The following LRMDA variants were observed in gnomAD, a reference collection of about 807,000 sequenced individuals.
The protein encoded by LRMDA is leucine rich melanocyte differentiation associated, also known as leucine-rich melanocyte differentiation-associated protein.
In LRMDA, 18 loss-of-function variants were observed where a neutral mutation model predicts 29.8. That is an observed-to-expected ratio of 0.60 (90% CI 0.42 to 0.90). The LOEUF is 0.90. Ranked by LOEUF, LRMDA falls within the 40% of genes least tolerant of loss-of-function variation. The probability of loss-of-function intolerance (pLI) is 0.00; values close to 1 mark genes in which losing one functional copy is unlikely to be tolerated. For missense variants in LRMDA, 273 were observed against 273.9 expected (o/e 1.00, Z 0.02); for synonymous variants, 125 against 109.4 (o/e 1.14, Z -0.89).
Position 76,284,192 on chromosome 10 carries a change from G to A in LRMDA, c.517-40209G>A, listed in dbSNP as rs188724357. Reference sequence around the variant, plus strand: ...CTGGGATTACCTTATATGGCAAAAGGGACTTTGCAGGTGTGATTAAAAAAT... The same window carrying A: ...CTGGGATTACCTTATATGGCAAAAGAGACTTTGCAGGTGTGATTAAAAAAT... On this transcript the variant is annotated intron_variant, in intron 5 of 6. Coordinates refer to ENST00000611255, the MANE Select transcript of LRMDA (RefSeq NM_001305581.2). Among the ~76,000 whole-genome samples the A allele has an allele frequency of 2.2e-3, 328 of 152,224 alleles. 2 individuals carry two copies. The highest frequency in any genetic ancestry group is 7.2e-3 in the African/African-American group (298 of 41,532).
intron 5 of LRMDA, among the ~76,000 whole-genome samples, chr10:76,109,460 T>G (rs1264448537): frequency 6.6e-6 from 1 of 152,212 alleles, no homozygotes; most frequent in African/African-American, 2.4e-5. Context: ...ATTTTTTCCT[T>G]CTTTATCTTG....
At chr10:75,734,810 T>C (rs1467585431) in intron 2 of LRMDA, among the ~76,000 whole-genome samples, 2 of 152,040 alleles carry the variant, frequency 1.3e-5, no homozygotes, top group Non-Finnish European at 2.9e-5. Flanking sequence ...GAGAAAAAAA[T>C]TGAAGAGTTT....
At chr10:75,794,842 A>G (rs1025074383) in intron 2 of LRMDA, among the ~76,000 whole-genome samples, 1 of 151,842 alleles carries the variant, frequency 6.6e-6, no homozygotes, top group African/African-American at 2.4e-5. Context: ...GTCTATATTT[A>G]TTTATTTCAA....
intron 2 of LRMDA, among the ~76,000 whole-genome samples, chr10:75,762,489 A>G (rs1231987895): frequency 6.6e-6 from 1 of 152,232 alleles, no homozygotes; most frequent in African/African-American, 2.4e-5. Flanking sequence ...GAAGATGTGC[A>G]GTGCCCAGGC....
At chr10:75,979,080 C>G (rs1847122385) in intron 2 of LRMDA, among the ~76,000 whole-genome samples, 1 of 152,108 alleles carries the variant, frequency 6.6e-6, no homozygotes, top group Non-Finnish European at 1.5e-5. Flanking sequence ...TGATAAGGAC[C>G]AAATGGGTTA....
At chr10:75,928,056 A>G (rs924974131) in intron 2 of LRMDA, among the ~76,000 whole-genome samples, 1 of 72,548 alleles carries the variant, frequency 1.4e-5, no homozygotes, top group African/African-American at 3.3e-5. Flanking sequence ...CATCATCATC[A>G]TCATCATCAT....
intron 5 of LRMDA, among the ~76,000 whole-genome samples, chr10:76,086,323 G>A (rs1849134658): frequency 6.6e-6 from 1 of 152,148 alleles, no homozygotes. Flanking sequence ...GGGACTTCTA[G>A]GGAATGGCTA....
intron 2 of LRMDA, among the ~76,000 whole-genome samples, chr10:75,998,443 G>A (rs77723440): frequency 0.03 from 4,641 of 152,234 alleles, 82 homozygotes; most frequent in Middle Eastern, 0.048. Context: ...CCAGGAATTT[G>A]CACCTGTCCC....
At chr10:75,667,399 A>C (rs1308342255) in intron 2 of LRMDA, among the ~76,000 whole-genome samples, 1 of 152,218 alleles carries the variant, frequency 6.6e-6, no homozygotes, top group Non-Finnish European at 1.5e-5. Context: ...TAACCTCCCC[A>C]GTGATTCTCC....
At chr10:75,717,411 A>C (rs1842514764) in intron 2 of LRMDA, among the ~76,000 whole-genome samples, 1 of 152,218 alleles carries the variant, frequency 6.6e-6, no homozygotes, top group South Asian at 2.1e-4. Context: ...GGGATCCTGC[A>C]ACAGAAGGCT....
At chr10:75,468,953 A>C (rs976159801) in intron 2 of LRMDA, among the ~76,000 whole-genome samples, 3 of 152,160 alleles carry the variant, frequency 2.0e-5, no homozygotes, top group Admixed American at 6.5e-5. Flanking sequence ...GAAAAAAGGG[A>C]GCAAGAGAAA....
At chr10:75,898,586 C>T (rs746305337) in intron 2 of LRMDA, among the ~76,000 whole-genome samples, 2 of 152,048 alleles carry the variant, frequency 1.3e-5, no homozygotes, top group Non-Finnish European at 2.9e-5. Flanking sequence ...TTCTACTGGA[C>T]CCTGGGAACG....
intron 6 of LRMDA, among the ~76,000 whole-genome samples, chr10:76,326,021 C>T (rs1302541196): frequency 1.3e-5 from 2 of 152,076 alleles, no homozygotes; most frequent in Admixed American, 6.5e-5. Flanking sequence ...AATGTAAAGA[C>T]GTTATTTAAA....
intron 2 of LRMDA, among the ~76,000 whole-genome samples, chr10:75,592,233 C>T (rs1183083325): frequency 2.0e-5 from 3 of 152,156 alleles, no homozygotes; most frequent in African/African-American, 7.2e-5. Context: ...GAATGTGGTA[C>T]ACAGCTGCCC....
intron 5 of LRMDA, among the ~76,000 whole-genome samples, chr10:76,134,697 G>T (rs1850061725): frequency 6.6e-6 from 1 of 152,062 alleles, no homozygotes; most frequent in Non-Finnish European, 1.5e-5. Flanking sequence ...TTGAGTGATT[G>T]ACCCAACAGA....
intron 6 of LRMDA, among the ~76,000 whole-genome samples, chr10:76,399,671 T>G (rs1841827526): frequency 6.6e-6 from 1 of 152,222 alleles, no homozygotes; most frequent in South Asian, 2.1e-4. Context: ...GCAACCAGCC[T>G]CTCCTCTGTT....
At chr10:76,316,047 A>G (rs1840693639) in intron 5 of LRMDA, among the ~76,000 whole-genome samples, 1 of 152,174 alleles carries the variant, frequency 6.6e-6, no homozygotes, top group African/African-American at 2.4e-5. Flanking sequence ...GATGCAGGAC[A>G]GGAACTCAAG....
intron 2 of LRMDA, among the ~76,000 whole-genome samples, chr10:75,935,975 G>A (rs1477998578): frequency 1.3e-5 from 2 of 152,156 alleles, no homozygotes; most frequent in African/African-American, 4.8e-5. Context: ...GGACTGCAGT[G>A]TGTCTGCCCC....
At chr10:76,357,043 A>T (rs938032359) in intron 6 of LRMDA, among the ~76,000 whole-genome samples, 1 of 152,206 alleles carries the variant, frequency 6.6e-6, no homozygotes, top group African/African-American at 2.4e-5. Flanking sequence ...CAAACCAAAA[A>T]ATTGGCAAGT....
Sources: allele counts gnomAD v4.1 joint callset (sites outside exome capture counted in the v4.1 genomes callset), GRCh38; gene constraint gnomAD v4.1.1; transcripts MANE v1.5; gene names NCBI Gene and HGNC (gene_info 2026-07-23, HGNC 2026-07-21).